Variants in NECTIN1 observed in about 807,000 individuals in gnomAD.
NECTIN1 encodes the protein nectin cell adhesion molecule 1, also known as nectin-1.
In NECTIN1, 23 loss-of-function variants were observed where a neutral mutation model predicts 48.0. The observed-to-expected ratio is 0.48, with a 90% CI of 0.34 to 0.68. NECTIN1 has a LOEUF of 0.68. Among genes scored for constraint, NECTIN1 ranks in the 30% least tolerant of loss-of-function variants. NECTIN1 has a pLI of 0.01. For synonymous variants in NECTIN1, 270 were observed against 288.9 expected, an observed-to-expected ratio of 0.93 and a Z score of 0.66; for missense variants, 591 against 709.9, an observed-to-expected ratio of 0.83 and a Z score of 1.90.
At chr11:119,675,452 A>G in intron 4 of NECTIN1, 142 bp from the exon 5 acceptor site, 1 of 733,562 alleles carries the variant, frequency 1.4e-6, no homozygotes, top group South Asian at 1.7e-5. Context: ...AAGAAAAATA[A>G]TAATAATAAT....
intron 5 of NECTIN1, among the ~76,000 whole-genome samples, chr11:119,648,250 A>G (rs1369946773): frequency 4.8e-5 from 2 of 42,098 alleles, no homozygotes; most frequent in African/African-American, 1.6e-4. Flanking sequence ...AGTGGTGGTG[A>G]TAGAGGTGGT....
In NECTIN1 at chr11:119,665,188, G is replaced by C. The variant is rs767519831; in HGVS notation, c.1113C>G (p.Val371=). The C allele has an allele frequency of 6.2e-7, 1 of 1,608,930 alleles. No individual in the cohort carries two copies. Among genetic ancestry groups the C allele is most frequent in the Admixed American group, 1.7e-5 (1 of 59,988 alleles). The change falls in exon 6 of 6, where the codon GTC becomes GTG. Residue 371 remains valine, a synonymous_variant. Coordinates refer to ENST00000264025, the MANE Select transcript of NECTIN1 (RefSeq NM_002855.5). The surrounding 1 kb of genome is among the most constrained non-coding windows in gnomAD (Gnocchi z 5.1). Reference sequence around the variant, plus strand: ...GACGCAGGGCGACCACGATCCCGCCGACCACAATCAACACCAGCAGGATGC... The same window carrying C: ...GACGCAGGGCGACCACGATCCCGCCCACCACAATCAACACCAGCAGGATGC... ...AGSILLVLIV[V]GGIVVALRRR...
rs1864872521 is a variant in NECTIN1, at chr11:119,672,378, G to T, written c.1003+2781C>A. ...CCTTGTCATTACCCCAGAGGGAGAA[G>T]GGAGGGAGCTTCATTTTGTGACCAC... On this transcript the variant is annotated intron_variant, in intron 5 of 5. Coordinates refer to ENST00000264025, the MANE Select transcript of NECTIN1 (RefSeq NM_002855.5). This position sits in a 1 kb window ranked among gnomAD's most constrained non-coding sequence, Gnocchi z 4.3. Among the ~76,000 whole-genome samples, 1 of 152,172 alleles carries T rather than the reference G, an allele frequency of 6.6e-6. No homozygotes were observed. The highest frequency in any genetic ancestry group is 1.5e-5 in the Non-Finnish European group (1 of 68,026).
chr11:119,707,505 G>A (rs762965135), intron 1 of NECTIN1, among the ~76,000 whole-genome samples: 1 of 151,456 alleles, frequency 6.6e-6, no homozygotes, highest in South Asian at 2.1e-4. Context: ...CAAGGCTGTC[G>A]AACAGGGTGA....
rs58590467 is a variant in NECTIN1 at position 119,647,161 on chromosome 11, A to ATGTGTGTGTGTGTGTGTG, written c.1004-7167_1004-7150dup. On this transcript the variant is annotated intron_variant, in intron 5 of 7. Transcript: ENST00000341398. ...GATGAGGGGCCAGAGCTTGCGGCGC[A>ATGTGTGTGTGTGTGTGTG]TGTGTGTGTGTGTGTGTGTGTGTGT... Among the ~76,000 whole-genome samples, 41 of 84,776 alleles carry ATGTGTGTGTGTGTGTGTG rather than the reference A, an allele frequency of 4.8e-4. 1 individual carries two copies. Among genetic ancestry groups the ATGTGTGTGTGTGTGTGTG allele is most frequent in the South Asian group, 9.3e-4 (2 of 2,150 alleles). The allele number at this position is 84,776 out of a possible 152,430, so 55.6% of individuals were successfully genotyped here.
chr11:119,696,456 G>A (rs1215688483), intron 1 of NECTIN1, among the ~76,000 whole-genome samples: 4 of 152,124 alleles, frequency 2.6e-5, no homozygotes, highest in Admixed American at 6.5e-5. Flanking sequence ...GGAGGAGGGA[G>A]GGAAGCTGAA....
chr11:119,638,275 C>T (rs1191594946), intron 7 of NECTIN1: 1 of 1,613,240 alleles, frequency 6.2e-7, no homozygotes. Flanking sequence ...GAGTGCTGCA[C>T]AGACCTTTCC....
downstream of NECTIN1, among the ~76,000 whole-genome samples, chr11:119,657,411 C>T (rs562083848): frequency 6.6e-6 from 1 of 152,046 alleles, no homozygotes; most frequent in South Asian, 2.1e-4. Flanking sequence ...TTCAGGAGGT[C>T]GAGATCATCC....
chr11:119,661,848 G>A lies in NECTIN1; in HGVS notation c.*2899C>T, dbSNP rs894708887. Reference sequence around the variant, plus strand: ...TGTGCATGCATGCGTGTGTACATGCGTGTACACATGCCTGCGCGTGGGTGT... The same window carrying A: ...TGTGCATGCATGCGTGTGTACATGCATGTACACATGCCTGCGCGTGGGTGT... On this transcript the variant is annotated 3_prime_UTR_variant, in exon 6 of 6. Coordinates refer to ENST00000264025, the MANE Select transcript of NECTIN1 (RefSeq NM_002855.5). 6.3e-5 allele frequency: 62 copies of A among 984,926 alleles called. No individual in the cohort carries two copies. The highest frequency in any genetic ancestry group is 7.0e-5 in the Non-Finnish European group (58 of 829,760). 61.0% of individuals were successfully genotyped at this position (984,926 alleles called of 1,614,324 possible). A position where few individuals can be genotyped will look rare whatever the true frequency, so the allele number is the denominator to read the frequency against.
At chr11:119,728,327 G>A (rs1003526361) in intron 1 of NECTIN1, 148 bp downstream of exon 1, 11 of 669,002 alleles carry the variant, frequency 1.6e-5, no homozygotes, top group South Asian at 2.3e-5. Context: ...TTTCTCCGCC[G>A]TGCCACCTCC....
At chr11:119,701,464 C>G (rs149241443) in intron 1 of NECTIN1, among the ~76,000 whole-genome samples, 1 of 152,058 alleles carries the variant, frequency 6.6e-6, no homozygotes, top group Admixed American at 6.5e-5. Flanking sequence ...GGCAAGTGGA[C>G]AAAATGCATT....
chr11:119,660,930 C>T, downstream of NECTIN1: 3 of 867,716 alleles, frequency 3.5e-6, no homozygotes, highest in Non-Finnish European at 4.2e-6. Context: ...CCATCCCCTC[C>T]AGCTCCACGC....
chr11:119,666,983 C>T (rs1413814230), intron 5 of NECTIN1, among the ~76,000 whole-genome samples: 2 of 152,166 alleles, frequency 1.3e-5, no homozygotes, highest in African/African-American at 4.8e-5. Flanking sequence ...CTCCTATACA[C>T]GTGGGCACTG....
intron 5 of NECTIN1, among the ~76,000 whole-genome samples, chr11:119,655,305 T>A (rs1864554586): frequency 6.6e-6 from 1 of 151,960 alleles, no homozygotes; most frequent in Non-Finnish European, 1.5e-5. Context: ...ACTCCCTACC[T>A]CCACATAGGT....
At chr11:119,658,217 A>G (rs1864607566), downstream of NECTIN1, among the ~76,000 whole-genome samples, 1 of 152,038 alleles carries the variant, frequency 6.6e-6, no homozygotes, top group Admixed American at 6.6e-5. Flanking sequence ...TGGAGTGTGT[A>G]TGTGCTGTGT....
intron 1 of NECTIN1, among the ~76,000 whole-genome samples, chr11:119,695,201 TC>T (rs1054713099): frequency 3.3e-5 from 5 of 152,148 alleles, no homozygotes; most frequent in Admixed American, 2.6e-4. Context: ...GTTACACAAG[TC>T]CCCGGTCGCT....
chr11:119,641,698 A>ACT (rs903533104), intron 5 of NECTIN1: 1 of 147,970 alleles, frequency 6.8e-6, no homozygotes, highest in Non-Finnish European at 1.5e-5. Flanking sequence ...CTTCCCCTGC[A>ACT]CTCTCTTTCA....
chr11:119,677,371 C>T lies in NECTIN1; in HGVS notation c.734-152G>A, dbSNP rs556270728. ...GTGGGAGGGTGGCAATCACAGAGCCCGGGAGTGGAAACAGGAGGGCGACAG... is the reference window on the plus strand; with the variant it reads ...GTGGGAGGGTGGCAATCACAGAGCCTGGGAGTGGAAACAGGAGGGCGACAG... On this transcript the variant is annotated intron_variant, in intron 3 of 5. Transcript: ENST00000264025. This position sits in a 1 kb window ranked among gnomAD's most constrained non-coding sequence, Gnocchi z 5.4. 1.4e-3 allele frequency: 1,427 copies of T among 1,026,392 alleles called. 2 individuals carry two copies. Among genetic ancestry groups the T allele is most frequent in the Non-Finnish European group, 1.8e-3 (1,221 of 663,498 alleles). 63.6% of individuals were successfully genotyped at this position (1,026,392 alleles called of 1,614,324 possible). A position where few individuals can be genotyped will look rare whatever the true frequency, so the allele number is the denominator to read the frequency against.
intron 1 of NECTIN1, 42 bp downstream of exon 1, chr11:119,728,433 G>T: frequency 6.5e-7 from 1 of 1,531,922 alleles, no homozygotes. Flanking sequence ...CCCCGGGGAG[G>T]CATTGGATGG....
Sources: allele counts gnomAD v4.1 joint callset (sites outside exome capture counted in the v4.1 genomes callset), GRCh38; gene constraint gnomAD v4.1.1; non-coding constraint Gnocchi (gnomAD v3.1); transcripts MANE v1.5; gene names NCBI Gene and HGNC (gene_info 2026-07-23, HGNC 2026-07-21).